CHRNB3: variants seen among roughly 807,000 people sequenced by gnomAD.
CHRNB3 encodes cholinergic receptor nicotinic beta 3 subunit, also known as neuronal acetylcholine receptor subunit beta-3.
In CHRNB3, 37 loss-of-function variants were observed where a neutral mutation model predicts 40.6. The observed-to-expected ratio is 0.91, with a 90% CI of 0.70 to 1.20. CHRNB3 has a LOEUF of 1.20. Ranked by LOEUF, CHRNB3 falls within the 50% of genes most tolerant of loss-of-function variation. The pLI is 0.00. For missense variants in CHRNB3, 505 were observed against 551.2 expected, an observed-to-expected ratio of 0.92 and a Z score of 0.84; for synonymous variants, 207 against 207.1, an observed-to-expected ratio of 1.00 and a Z score of 0.00.
chr8:42,712,331 G>T (rs951345113), intron 3 of CHRNB3, among the ~76,000 whole-genome samples: 23 of 152,118 alleles, frequency 1.5e-4, no homozygotes, highest in African/African-American at 5.6e-4. Flanking sequence ...TTGCCCCATT[G>T]TTTTAAAATA....
In CHRNB3 at chr8:42,732,029, T is replaced by C. The variant is rs1816434410; in HGVS notation, c.722T>C (p.Ile241Thr). 2 of 1,614,004 alleles carry C rather than the reference T, an allele frequency of 1.2e-6. No homozygotes were observed. The highest frequency in any genetic ancestry group is 1.3e-5 in the African/African-American group (1 of 74,904). ...CCTTTATTCTATACCCTCTTTCTCA[T>C]CATCCCCTGCCTGGGGCTGTCTTTC... ...RLPLFYTLFL[I>T]IPCLGLSFLT... Residue 241 changes from isoleucine to threonine, a missense_variant, in exon 5 of 6, where the codon ATC becomes ACC. By Grantham distance (89) the Ile-to-Thr change is moderately conservative (BLOSUM62 -1). Transcript: ENST00000289957.
chr8:42,713,957 G>A (rs1275376243), intron 3 of CHRNB3, among the ~76,000 whole-genome samples: 1 of 152,200 alleles, frequency 6.6e-6, no homozygotes, highest in African/African-American at 2.4e-5. Context: ...GCCAAAGCAG[G>A]AGAAACGAAG....
At chr8:42,735,115 G>C (rs1816499701) in intron 5 of CHRNB3, among the ~76,000 whole-genome samples, 1 of 152,074 alleles carries the variant, frequency 6.6e-6, no homozygotes, top group Non-Finnish European at 1.5e-5. Context: ...AGCTACTCGG[G>C]AGGCTGAGGC....
intron 3 of CHRNB3, chr8:42,725,956 C>G: frequency 9.1e-7 from 1 of 1,101,070 alleles, no homozygotes; most frequent in Non-Finnish European, 1.4e-6. Context: ...CCTTTCGATG[C>G]GTACAACAAA....
intron 3 of CHRNB3, among the ~76,000 whole-genome samples, chr8:42,721,634 G>A (rs893795531): frequency 6.6e-6 from 1 of 151,948 alleles, no homozygotes; most frequent in Non-Finnish European, 1.5e-5. Context: ...TGAGGTGGGA[G>A]GATCACTTGA....
Position 42,730,616 on chromosome 8 carries a change from G to A in CHRNB3, c.272G>A (p.Arg91His), listed in dbSNP as rs748047952. Residue 91 changes from arginine to histidine, a missense_variant, in exon 4 of 6, where the codon CGC becomes CAC. Physicochemically the swap from Arg to His is conservative, Grantham distance 29 (BLOSUM62 0). Transcript: ENST00000289957. ...CAGGAATGGACAGACCACAAGTTAC[G>A]CTGGAATCCTGATGATTATGGTGGG... The part of the protein sequence containing the change: ...LKQEWTDHKL[R>H]WNPDDYGGIH... 3.7e-6 allele frequency: 6 copies of A among 1,604,646 alleles called. No individual in the cohort carries two copies. The highest frequency in any genetic ancestry group is 1.1e-5 in the South Asian group (1 of 89,528).
intron 3 of CHRNB3, among the ~76,000 whole-genome samples, chr8:42,725,342 G>A (rs1816291219): frequency 6.6e-6 from 1 of 151,670 alleles, no homozygotes; most frequent in African/African-American, 2.4e-5. Context: ...TGCCCACCTC[G>A]GCCTCCCAAA....
At chr8:42,709,398 T>A (rs1489705972) in intron 2 of CHRNB3, among the ~76,000 whole-genome samples, 1,676 of 152,264 alleles carry the variant, frequency 0.011, 35 homozygotes, top group African/African-American at 0.039. Context: ...GTCATGATTG[T>A]GTTCTTAGAA....
At chr8:42,716,679 A>T (rs1217040092) in intron 3 of CHRNB3, among the ~76,000 whole-genome samples, 1 of 152,086 alleles carries the variant, frequency 6.6e-6, no homozygotes, top group Non-Finnish European at 1.5e-5. Context: ...TGCCATGGCG[A>T]TGGTAAACTG....
Position 42,730,601 on chromosome 8 carries a change from C to A in CHRNB3, c.257C>A (p.Thr86Lys). ...TTNVWLKQEW[T>K]DHKLRWNPDD... ...TGTACTAATTTCATGCAGGAATGGA[C>A]AGACCACAAGTTACGCTGGAATCCT... The change falls in exon 4 of 6, where the codon ACA becomes AAA. Residue 86 changes from threonine to lysine, a missense_variant. Thr to Lys is a moderately conservative substitution (Grantham distance 78). Transcript: ENST00000289957. 6.3e-7 allele frequency: 1 copy of A among 1,595,604 alleles called. No individual in the cohort carries two copies. Among genetic ancestry groups the A allele is most frequent in the South Asian group, 1.1e-5 (1 of 88,286 alleles).
In CHRNB3 at chr8:42,703,435, A is replaced by AAAAAAAATATATATATATATATATATAT; in HGVS notation, c.53-5281_53-5280insAAAAAATATATATATATATATATATATA. 9.1e-4 allele frequency among the ~76,000 whole-genome samples: 43 copies of AAAAAAAATATATATATATATATATATAT among 47,398 alleles called. 6 individuals are homozygous for AAAAAAAATATATATATATATATATATAT. The highest frequency in any genetic ancestry group is 1.4e-3 in the Admixed American group (6 of 4,302). 31.1% of individuals were successfully genotyped at this position (47,398 alleles called of 152,430 possible). Reference sequence around the variant, plus strand: ...CAAGACTTCGTCTAAAAAAAAAAAAAATATTTATATATATATATATATATA... The same window carrying AAAAAAAATATATATATATATATATATAT: ...CAAGACTTCGTCTAAAAAAAAAAAAAAAAAAAATATATATATATATATATATATATATTTATATATATATATATATATA... On this transcript the variant is annotated intron_variant, in intron 1 of 5. Coordinates refer to ENST00000289957, the MANE Select transcript of CHRNB3 (RefSeq NM_000749.5).
In CHRNB3 at chr8:42,736,506, T is replaced by C; in HGVS notation, c.1265T>C (p.Val422Ala). 6.2e-7 allele frequency: 1 copy of C among 1,614,238 alleles called. No homozygotes were observed. Among genetic ancestry groups the C allele is most frequent in the Non-Finnish European group, 8.5e-7 (1 of 1,180,038 alleles). Reference protein sequence around the residue: ...ISQVVQDWKFVAQVLDRIFLW... With the variant: ...ISQVVQDWKFAAQVLDRIFLW... ...CAGGTAGTACAAGACTGGAAATTTGTAGCTCAAGTTCTTGACCGAATCTTC... is the reference window on the plus strand; with the variant it reads ...CAGGTAGTACAAGACTGGAAATTTGCAGCTCAAGTTCTTGACCGAATCTTC... Residue 422 changes from valine (V) to alanine (A), a missense_variant, in exon 6 of 6, where the codon GTA becomes GCA. Physicochemically the swap from Val to Ala is moderately conservative, Grantham distance 64 (BLOSUM62 0). Transcript: ENST00000289957.
At chr8:42,720,264 T>C (rs530598251) in intron 3 of CHRNB3, among the ~76,000 whole-genome samples, 37 of 151,722 alleles carry the variant, frequency 2.4e-4, no homozygotes, top group African/African-American at 8.5e-4. Context: ...TACAGGCGTG[T>C]GCCACCATGC....
chr8:42,715,355 A>G (rs1816080989), intron 3 of CHRNB3, among the ~76,000 whole-genome samples: 3 of 152,156 alleles, frequency 2.0e-5, no homozygotes, highest in African/African-American at 7.2e-5. Context: ...TGAATAGTGA[A>G]TAGTAGTCCA....
chr8:42,720,239 C>T (rs1420119928), intron 3 of CHRNB3, among the ~76,000 whole-genome samples: 2 of 147,200 alleles, frequency 1.4e-5, no homozygotes, highest in African/African-American at 5.0e-5. Flanking sequence ...CCTCAGCCTC[C>T]TGAGTAGCTG....
intron 4 of CHRNB3, 120 bp from the exon 5 acceptor site, chr8:42,731,547 T>G (rs1816417904): frequency 1.8e-6 from 2 of 1,112,962 alleles, no homozygotes; most frequent in African/African-American, 1.6e-5. Flanking sequence ...AGAGTGAGAC[T>G]CCATCTCAAA....
intron 3 of CHRNB3, among the ~76,000 whole-genome samples, chr8:42,717,373 CAAAAAAAAAAAA>C (rs1169333899): frequency 0.02 from 221 of 11,200 alleles, 26 homozygotes; most frequent in South Asian, 0.045. Flanking sequence ...GACTCCGTCT[CAAAAAAAAAAAA>C]AAAAAAAAAA....
intron 3 of CHRNB3, among the ~76,000 whole-genome samples, chr8:42,717,446 T>C (rs77640401): frequency 0.021 from 2,985 of 143,336 alleles, 55 homozygotes; most frequent in Non-Finnish European, 0.032. Flanking sequence ...ACTAGAGGTC[T>C]GGGTGATCTC....
At chr8:42,731,186 A>G (rs1286137582) in intron 4 of CHRNB3, among the ~76,000 whole-genome samples, 2 of 152,158 alleles carry the variant, frequency 1.3e-5, no homozygotes, top group African/African-American at 4.8e-5. Flanking sequence ...ATTCAGGCAA[A>G]ATACTTAAAA....
Sources: gnomAD v4.1 joint callset for allele counts (sites outside exome capture counted in the v4.1 genomes callset) on GRCh38, gnomAD v4.1.1 for gene constraint, MANE v1.5 for transcripts, NCBI Gene and HGNC (gene_info 2026-07-23, HGNC 2026-07-21) for gene names.